SNX7: variants seen among roughly 807,000 people sequenced by gnomAD.
SNX7 encodes the protein sorting nexin-7.
A neutral mutation model predicts 48.4 loss-of-function variants in SNX7; 35 were observed. The observed-to-expected ratio is 0.72, with a 90% confidence interval of 0.55 to 0.96. The LOEUF is 0.96. Ranked by LOEUF, SNX7 falls within the 40% of genes least tolerant of loss-of-function variation. The pLI is 0.00. For missense variants in SNX7, 553 were observed against 548.9 expected, an observed-to-expected ratio of 1.01 and a Z score of -0.07; for synonymous variants, 190 against 190.2, an observed-to-expected ratio of 1.00 and a Z score of 0.01.
chr1:98,677,078 A>G (rs1650206268), intron 1 of SNX7, among the ~76,000 whole-genome samples: 1 of 152,240 alleles, frequency 6.6e-6, no homozygotes, highest in Admixed American at 6.5e-5. Context: ...AGGGGAACAA[A>G]TGTATCTAAA....
At chr1:98,754,142 A>G (rs1654727279) in intron 8 of SNX7, among the ~76,000 whole-genome samples, 1 of 152,046 alleles carries the variant, frequency 6.6e-6, no homozygotes, top group Non-Finnish European at 1.5e-5. Flanking sequence ...CTGTTGAGAT[A>G]ATATTGCATT....
At chr1:98,724,669 T>A (rs1653073255) in intron 7 of SNX7, among the ~76,000 whole-genome samples, 1 of 152,124 alleles carries the variant, frequency 6.6e-6, no homozygotes, top group Non-Finnish European at 1.5e-5. Flanking sequence ...GGATAAGTGA[T>A]GGAAGATTAT....
At chr1:98,682,080 CT>C (rs1418346229) in intron 1 of SNX7, among the ~76,000 whole-genome samples, 10 of 82,274 alleles carry the variant, frequency 1.2e-4, no homozygotes, top group Non-Finnish European at 3.0e-4. Flanking sequence ...TCTTTTCTTC[CT>C]TTTTTTGTCC....
chr1:98,687,295 T>C (rs934540788), intron 2 of SNX7, among the ~76,000 whole-genome samples: 1 of 152,184 alleles, frequency 6.6e-6, no homozygotes, highest in Admixed American at 6.6e-5. Context: ...ATACATTTTT[T>C]CTATTATATT....
chr1:98,699,006 C>A, intron 6 of SNX7, 101 bp downstream of exon 6: 3 of 1,111,582 alleles, frequency 2.7e-6, no homozygotes, highest in Non-Finnish European at 1.3e-6. Context: ...ATCTTTTTGT[C>A]CTAGCAGGTT....
intron 7 of SNX7, among the ~76,000 whole-genome samples, chr1:98,719,865 A>G (rs1456764163): frequency 6.2e-5 from 5 of 81,032 alleles, no homozygotes; most frequent in Non-Finnish European, 1.0e-4. Context: ...AGTCAACTAT[A>G]TATATAAAAT....
At chr1:98,662,060 C>T (rs1257169201) in intron 1 of SNX7, 149 bp downstream of exon 1, 2 of 898,580 alleles carry the variant, frequency 2.2e-6, no homozygotes, top group East Asian at 3.3e-5. Flanking sequence ...GCTGCTGGAC[C>T]CCGCCTGCCA....
intron 1 of SNX7, among the ~76,000 whole-genome samples, chr1:98,675,860 A>G (rs192808640): frequency 4.5e-4 from 69 of 152,320 alleles, no homozygotes; most frequent in Admixed American, 2.7e-3. Flanking sequence ...TTGTTAAGAA[A>G]AAAATCAAAT....
chr1:98,698,799 G>A lies in SNX7; in HGVS notation c.932G>A (p.Ser311Asn), dbSNP rs1398211426. The A allele has an allele frequency of 3.1e-6, 5 of 1,613,642 alleles. No individual in the cohort carries two copies. Among genetic ancestry groups the A allele is most frequent in the Non-Finnish European group, 4.2e-6 (5 of 1,179,804 alleles). ...DLVDTLKDVASCIDRCCKATE... is the reference protein window; with the variant it reads ...DLVDTLKDVANCIDRCCKATE... ...GTTGATACTCTAAAGGATGTTGCCA[G>A]CTGCATTGACAGATGCTGTAAGGCC... is the stretch of plus-strand genomic sequence containing the variant. The change falls in exon 6 of 9, where the codon AGC (serine) becomes AAC (asparagine). Residue 311 changes from serine (S) to asparagine (N), a missense_variant. Ser to Asn is a conservative substitution (Grantham distance 46, BLOSUM62 1). Transcript: ENST00000306121.
chr1:98,728,054 A>G (rs113876131), intron 7 of SNX7, among the ~76,000 whole-genome samples: 3,483 of 152,220 alleles, frequency 0.023, 140 homozygotes, highest in African/African-American at 0.08. Context: ...AAGATATTCC[A>G]TGAGAAGATC....
intron 7 of SNX7, among the ~76,000 whole-genome samples, chr1:98,707,159 T>C (rs758785232): frequency 6.6e-6 from 1 of 152,140 alleles, no homozygotes; most frequent in Non-Finnish European, 1.5e-5. Flanking sequence ...AAGTTTTGGC[T>C]GAGGAGGAGA....
chr1:98,705,344 C>T (rs1651957094), intron 7 of SNX7, among the ~76,000 whole-genome samples: 1 of 152,252 alleles, frequency 6.6e-6, no homozygotes, highest in African/African-American at 2.4e-5. Context: ...AGATCAAATC[C>T]TAGCTTACCT....
In SNX7 at chr1:98,701,889, G is replaced by T; in HGVS notation, c.1111G>T (p.Ala371Ser). ...SKVEVLTYKK[A>S]DTDLLPEEIG... ...AGTTGAAGTTTTGACCTATAAAAAG[G>T]CAGATACTGATCTGGTAAGTTTTTA... The change falls in exon 7 of 9, where the codon GCA becomes TCA. Residue 371 changes from alanine to serine, a missense_variant. Transcript: ENST00000306121. 1 of 1,609,332 alleles carries T rather than the reference G, an allele frequency of 6.2e-7. No individual in the cohort carries two copies. The highest frequency in any genetic ancestry group is 8.5e-7 in the Non-Finnish European group (1 of 1,177,526).
At chr1:98,710,404 C>T (rs60707709) in intron 7 of SNX7, among the ~76,000 whole-genome samples, 1 of 152,008 alleles carries the variant, frequency 6.6e-6, no homozygotes, top group African/African-American at 2.4e-5. Flanking sequence ...TAATTTCTAA[C>T]GAAAGACTAA....
intron 1 of SNX7, among the ~76,000 whole-genome samples, chr1:98,681,907 T>C (rs956255454): frequency 1.6e-4 from 25 of 152,250 alleles, no homozygotes; most frequent in African/African-American, 6.0e-4. Flanking sequence ...TTAGGAATAA[T>C]GGGGCAACAT....
intron 1 of SNX7, among the ~76,000 whole-genome samples, chr1:98,667,154 GT>G (rs1403385298): frequency 6.6e-6 from 1 of 152,192 alleles, no homozygotes; most frequent in African/African-American, 2.4e-5. Context: ...ATACGACTAT[GT>G]TTTCAGATTG....
intron 1 of SNX7, among the ~76,000 whole-genome samples, chr1:98,665,752 C>G (rs953334516): frequency 5.9e-5 from 9 of 152,046 alleles, no homozygotes; most frequent in Non-Finnish European, 1.2e-4. Context: ...CCATGCCTGG[C>G]TAATTTTTTG....
chr1:98,753,687 G>C (rs1654695502), intron 8 of SNX7, among the ~76,000 whole-genome samples: 1 of 152,010 alleles, frequency 6.6e-6, no homozygotes, highest in Non-Finnish European at 1.5e-5. Context: ...ATTGTGTATG[G>C]GTTTGCAGAG....
At chr1:98,681,918 G>A (rs1557793497) in intron 1 of SNX7, among the ~76,000 whole-genome samples, 1 of 152,108 alleles carries the variant, frequency 6.6e-6, no homozygotes, top group Non-Finnish European at 1.5e-5. Context: ...GGGGCAACAT[G>A]TTTCTAGCTT....
Sources: gnomAD v4.1 joint callset for allele counts (sites outside exome capture counted in the v4.1 genomes callset) on GRCh38, gnomAD v4.1.1 for gene constraint, MANE v1.5 for transcripts, NCBI Gene and HGNC (gene_info 2026-07-23, HGNC 2026-07-21) for gene names.